WNK2: variants seen among roughly 807,000 people sequenced by gnomAD.
The protein encoded by WNK2 is WNK lysine deficient protein kinase 2, also known as serine/threonine-protein kinase WNK2.
WNK2 carries 67 observed loss-of-function variants against 192.1 expected under a neutral mutation model. The ratio of observed to expected loss-of-function variants is 0.35; its 90% confidence interval spans 0.29 to 0.43. The LOEUF (loss-of-function observed/expected upper bound fraction) is 0.43. Among genes scored for constraint, WNK2 ranks in the 20% least tolerant of loss-of-function variants. WNK2 has a pLI of 1.00. For missense variants in WNK2, 2,698 were observed against 3,089.7 expected, an observed-to-expected ratio of 0.87 and a Z score of 3.01; for synonymous variants, 1,439 against 1,393.9, an observed-to-expected ratio of 1.03 and a Z score of -0.72.
At position 93,292,854 on chromosome 9, in the gene WNK2, A is replaced by T. The variant is rs898456023; in HGVS notation, c.5389A>T (p.Ile1797Phe). 3.3e-6 allele frequency: 5 copies of T among 1,493,804 alleles called. No individual in the cohort carries two copies. The East Asian group carries it at 7.4e-5, about 22-fold the overall frequency. 92.5% of individuals were successfully genotyped at this position (1,493,804 alleles called of 1,614,324 possible). A position where few individuals can be genotyped will look rare whatever the true frequency, so the allele number is the denominator to read the frequency against. ...GCGGCGGGCGCAGACGGCCTCCTCCATCGAGGTCGGCGTGGGCGAGCCCGT... is the reference window on the plus strand; with the variant it reads ...GCGGCGGGCGCAGACGGCCTCCTCCTTCGAGGTCGGCGTGGGCGAGCCCGT... ...AVRRAQTASSIEVGVGEPVSS... is the reference protein window; with the variant it reads ...AVRRAQTASSFEVGVGEPVSS... The change falls in exon 23 of 30, where the codon ATC becomes TTC. Residue 1797 changes from isoleucine to phenylalanine, a missense_variant. By Grantham distance (21) the Ile-to-Phe change is conservative (BLOSUM62 0). Around this residue, in one of 7 missense-constraint regions of WNK2, gnomAD observed 1,098 missense variants for 1,101.0 expected, o/e 1.00. Coordinates refer to ENST00000427277, the MANE Select transcript of WNK2 (RefSeq NM_006648.4).
intron 23 of WNK2, among the ~76,000 whole-genome samples, chr9:93,297,194 C>T (rs1850739948): frequency 6.9e-6 from 1 of 145,038 alleles, no homozygotes; most frequent in Non-Finnish European, 1.5e-5. Context: ...ATTCTCCTCT[C>T]TGCATCCACC....
chr9:93,275,740 A>G (rs903142210), intron 19 of WNK2, among the ~76,000 whole-genome samples: 5 of 152,248 alleles, frequency 3.3e-5, no homozygotes, highest in African/African-American at 1.2e-4. Context: ...TAGAACTAAT[A>G]AGTGAGTTTA....
At chr9:93,216,709 G>A (rs375015907) in intron 2 of WNK2, among the ~76,000 whole-genome samples, 3 of 151,794 alleles carry the variant, frequency 2.0e-5, no homozygotes, top group Non-Finnish European at 2.9e-5. Flanking sequence ...CAGGAAAATC[G>A]CTTGAACCTG....
At chr9:93,288,147 C>T (rs1379920752) in intron 19 of WNK2, among the ~76,000 whole-genome samples, 4 of 152,184 alleles carry the variant, frequency 2.6e-5, no homozygotes, top group African/African-American at 9.7e-5. Flanking sequence ...GCCCGCAGTC[C>T]CTGTGAGCCT....
Position 93,259,035 on chromosome 9 carries a change from A to G in WNK2, c.2487A>G (p.Pro829=). ...CGACCGCGACTGTGCCTCCCGTGCCACCACCTCAGTATTTCTCTCCAGCCG... is the reference window on the plus strand; with the variant it reads ...CGACCGCGACTGTGCCTCCCGTGCCGCCACCTCAGTATTTCTCTCCAGCCG... ...DLPTATVPPV[P]PPQYFSPAVI... is the part of the protein sequence containing the mutation. Residue 829 remains proline, a synonymous_variant, in exon 12 of 30, where the codon CCA becomes CCG. Coordinates refer to ENST00000427277, the MANE Select transcript of WNK2 (RefSeq NM_006648.4). The surrounding 1 kb of genome is among the most constrained non-coding windows in gnomAD (Gnocchi z 4.8). 6.2e-7 allele frequency: 1 copy of G among 1,611,238 alleles called. No individual in the cohort carries two copies. Among genetic ancestry groups the G allele is most frequent in the Admixed American group, 1.7e-5 (1 of 59,892 alleles).
intron 28 of WNK2, chr9:93,309,145 G>A (rs963974798): frequency 8.1e-6 from 8 of 984,154 alleles, no homozygotes; most frequent in Admixed American, 1.2e-4. Flanking sequence ...GTTTGTGGAA[G>A]ACTGGTGTTA....
intron 26 of WNK2, among the ~76,000 whole-genome samples, chr9:93,302,887 G>A (rs1851850693): frequency 6.6e-6 from 1 of 151,928 alleles, no homozygotes; most frequent in Non-Finnish European, 1.5e-5. Context: ...CAGTTGCTGT[G>A]GGGAGCTCAC....
At chr9:93,313,593 G>T (rs1347731386) in intron 28 of WNK2, among the ~76,000 whole-genome samples, 3 of 151,956 alleles carry the variant, frequency 2.0e-5, no homozygotes, top group Non-Finnish European at 4.4e-5. Context: ...TTGAGGTCTA[G>T]TAATAGGTTT....
chr9:93,262,225 A>G, intron 13 of WNK2, 118 bp downstream of exon 13: 11 of 1,266,970 alleles, frequency 8.7e-6, no homozygotes. Flanking sequence ...TGGGACAGCC[A>G]CCCAGGTTCT....
intron 16 of WNK2, among the ~76,000 whole-genome samples, chr9:93,266,309 C>T (rs981008280): frequency 7.9e-5 from 12 of 152,162 alleles, no homozygotes; most frequent in African/African-American, 2.9e-4. Context: ...ACCATGACGA[C>T]CTTGCCAGCC....
chr9:93,252,913 C>T lies in WNK2; in HGVS notation c.1865C>T (p.Ser622Phe), dbSNP rs762644931. The T allele has an allele frequency of 6.4e-7, 1 of 1,554,658 alleles. No homozygotes were observed. Among genetic ancestry groups the T allele is most frequent in the South Asian group, 1.2e-5 (1 of 83,174 alleles). The change falls in exon 9 of 30, where the codon TCT becomes TTT. Residue 622 changes from serine (S) to phenylalanine (F), a missense_variant. Physicochemically the swap from Ser to Phe is radical, Grantham distance 155 (BLOSUM62 -2). Coordinates refer to ENST00000427277, the MANE Select transcript of WNK2 (RefSeq NM_006648.4). Reference sequence around the variant, plus strand: ...AGCACCTTCGACAGCGGCCAGGGCTCTACCGTGTACTCAGACTCGCAGAGC... The same window carrying T: ...AGCACCTTCGACAGCGGCCAGGGCTTTACCGTGTACTCAGACTCGCAGAGC... ...SDSTFDSGQGSTVYSDSQSSQ... is the reference protein window; with the variant it reads ...SDSTFDSGQGFTVYSDSQSSQ...
Position 93,299,247 on chromosome 9 carries a change from G to A in WNK2, c.6101G>A (p.Gly2034Glu). The A allele has an allele frequency of 6.4e-7, 1 of 1,571,608 alleles. No individual in the cohort carries two copies. The highest frequency in any genetic ancestry group is 8.7e-7 in the Non-Finnish European group (1 of 1,152,786). Reference sequence around the variant, plus strand: ...TCCGGCTTAGCCAGTGATGGAGGCGGAGCGCGTGGCCAAGGTGATTTCCAG... The same window carrying A: ...TCCGGCTTAGCCAGTGATGGAGGCGAAGCGCGTGGCCAAGGTGATTTCCAG... ...ICSGLASDGGGARGQGWTVYH... is the reference protein window; with the variant it reads ...ICSGLASDGGEARGQGWTVYH... Residue 2034 changes from glycine (G) to glutamate (E), a missense_variant, in exon 25 of 30, where the codon GGA becomes GAA. Physicochemically the swap from Gly to Glu is moderately conservative, Grantham distance 98. Coordinates refer to ENST00000427277, the MANE Select transcript of WNK2 (RefSeq NM_006648.4).
intron 2 of WNK2, among the ~76,000 whole-genome samples, chr9:93,200,588 C>T (rs986613519): frequency 2.6e-5 from 4 of 152,180 alleles, no homozygotes; most frequent in Admixed American, 6.5e-5. Flanking sequence ...TGTGGTTGGA[C>T]GCAGTGAACT....
rs1368487865 is a variant in WNK2 at position 93,247,332 on chromosome 9, G to A, written c.1543-211G>A. Among the ~76,000 whole-genome samples, 2 of 152,242 alleles carry A rather than the reference G, an allele frequency of 1.3e-5. No homozygotes were observed. Among genetic ancestry groups the A allele is most frequent in the Admixed American group, 1.3e-4 (2 of 15,292 alleles). On this transcript the variant is annotated intron_variant, in intron 7 of 29. Transcript: ENST00000427277. The surrounding 1 kb of genome is among the most constrained non-coding windows in gnomAD (Gnocchi z 5.2). Reference sequence around the variant, plus strand: ...GTGGACTCTGCGGGATGCAGGTCAGGCCTGCGTGGTGGTGGTCTTTCTTTG... The same window carrying A: ...GTGGACTCTGCGGGATGCAGGTCAGACCTGCGTGGTGGTGGTCTTTCTTTG...
chr9:93,251,378 A>G (rs1842577263), intron 8 of WNK2, among the ~76,000 whole-genome samples: 1 of 151,888 alleles, frequency 6.6e-6, no homozygotes, highest in African/African-American at 2.4e-5. Context: ...CAGCCTCCCA[A>G]AATGCTGGGA....
Position 93,264,140 on chromosome 9 carries a change from CG to C in WNK2, c.3696+109del, listed in dbSNP as rs554727823. 432 of 870,964 alleles carry C rather than the reference CG, an allele frequency of 5.0e-4. 7 individuals carry two copies. In the East Asian group the frequency reaches 0.011, roughly 22 times the overall value. The allele number at this position is 870,964 out of a possible 1,614,324, so 54.0% of individuals were successfully genotyped here. A position where few individuals can be genotyped will look rare whatever the true frequency, so the allele number is the denominator to read the frequency against. ...CGAGCCTGGCCTTGTGTGGAGGTGT[CG>C]GTTGGCCCAGGGGCTTTTCGGGACA... On this transcript the variant is annotated intron_variant, in intron 16 of 29. Coordinates refer to ENST00000427277, the MANE Select transcript of WNK2 (RefSeq NM_006648.4).
Position 93,256,299 on chromosome 9 carries a change from C to T in WNK2, c.2035C>T (p.Pro679Ser). The T allele has an allele frequency of 7.1e-6, 11 of 1,555,760 alleles. No homozygotes were observed. Among genetic ancestry groups the T allele is most frequent in the Non-Finnish European group, 8.6e-6 (10 of 1,157,746 alleles). The change falls in exon 10 of 30, where the codon CCT becomes TCT. Residue 679 changes from proline to serine, a missense_variant and splice_region_variant. Pro to Ser is a moderately conservative substitution (Grantham distance 74). Transcript: ENST00000427277. The part of the protein sequence containing the change: ...LGAYQQPTAA[P>S]GLPVGSVPAP... Reference sequence around the variant, plus strand: ...AGTGTGGCCCTGGTGCTCTCTGCAGCCTGGCTTGCCGGTGGGCTCTGTCCC... The same window carrying T: ...AGTGTGGCCCTGGTGCTCTCTGCAGTCTGGCTTGCCGGTGGGCTCTGTCCC...
chr9:93,248,583 T>C (rs929849143), intron 8 of WNK2, among the ~76,000 whole-genome samples: 7 of 152,188 alleles, frequency 4.6e-5, no homozygotes, highest in African/African-American at 1.4e-4. Context: ...TGGCTTGTGG[T>C]GTTGCCGTGG....
At chr9:93,192,228 C>G (rs1420479192) in intron 2 of WNK2, among the ~76,000 whole-genome samples, 1 of 151,690 alleles carries the variant, frequency 6.6e-6, no homozygotes. Flanking sequence ...GCAAGAGAAT[C>G]GCTTGAACCC....
Sources: allele counts gnomAD v4.1 joint callset (sites outside exome capture counted in the v4.1 genomes callset), GRCh38; gene constraint gnomAD v4.1.1; regional missense constraint gnomAD v4.1.1; non-coding constraint Gnocchi (gnomAD v3.1); transcripts MANE v1.5; gene names NCBI Gene and HGNC (gene_info 2026-07-23, HGNC 2026-07-21).